Variants in ST6GALNAC3 observed in about 807,000 individuals in gnomAD.
ST6GALNAC3 encodes alpha-N-acetylgalactosaminide alpha-2,6-sialyltransferase 3.
In ST6GALNAC3, 25 loss-of-function variants were observed where a neutral mutation model predicts 32.7. The ratio of observed to expected loss-of-function variants is 0.76; its 90% CI spans 0.56 to 1.07. ST6GALNAC3 has a LOEUF of 1.07. Among genes scored for constraint, ST6GALNAC3 ranks in the 50% least tolerant of loss-of-function variants. The probability of loss-of-function intolerance (pLI) is 0.00; values close to 1 mark genes in which losing one functional copy is unlikely to be tolerated. For synonymous variants in ST6GALNAC3, 129 were observed against 133.1 expected, an observed-to-expected ratio of 0.97 and a Z score of 0.21; for missense variants, 355 against 382.4, an observed-to-expected ratio of 0.93 and a Z score of 0.60.
At chr1:76,400,657 C>A (rs1653338811) in intron 2 of ST6GALNAC3, among the ~76,000 whole-genome samples, 1 of 151,986 alleles carries the variant, frequency 6.6e-6, no homozygotes, top group African/African-American at 2.4e-5. Flanking sequence ...GAGGCTGAGG[C>A]AGGCAGATCA....
rs1649433598 is a variant in ST6GALNAC3 at position 76,634,214 on chromosome 1, TAAAC to T, written c.*5410_*5413del. ...TAAAGGTGAAGAACATCTTGATGAA[TAAAC>T]AGTCAACTACCAAGTTCACATATTT... On this transcript the variant is annotated 3_prime_UTR_variant, in exon 5 of 5. Transcript: ENST00000328299. 1 of 957,016 alleles carries T rather than the reference TAAAC, an allele frequency of 1.0e-6. No homozygotes were observed. The highest frequency in any genetic ancestry group is 1.2e-6 in the Non-Finnish European group (1 of 804,146). The allele number at this position is 957,016 out of a possible 1,614,324, so 59.3% of individuals were successfully genotyped here. A position where few individuals can be genotyped will look rare whatever the true frequency, so the allele number is the denominator to read the frequency against.
chr1:76,416,581 C>T (rs1430844349), intron 3 of ST6GALNAC3, among the ~76,000 whole-genome samples: 5 of 150,434 alleles, frequency 3.3e-5, no homozygotes, highest in South Asian at 4.2e-4. Flanking sequence ...ATAGCCCTTC[C>T]GTTTAAGGTA....
chr1:76,183,716 T>C (rs1653338567), intron 1 of ST6GALNAC3, among the ~76,000 whole-genome samples: 2 of 151,686 alleles, frequency 1.3e-5, no homozygotes, highest in African/African-American at 2.4e-5. Flanking sequence ...CTATAGGCAA[T>C]TGTGACACAA....
intron 1 of ST6GALNAC3, among the ~76,000 whole-genome samples, chr1:76,129,688 T>C (rs1238626866): frequency 3.3e-5 from 5 of 152,152 alleles, no homozygotes; most frequent in Non-Finnish European, 4.4e-5. Flanking sequence ...CCTGATTTGA[T>C]TGGAATTCAG....
intron 1 of ST6GALNAC3, among the ~76,000 whole-genome samples, chr1:76,112,374 ACCCCCCCACC>A (rs1648067053): frequency 1.6e-5 from 2 of 122,448 alleles, no homozygotes; most frequent in African/African-American, 6.6e-5. Context: ...CGGGGGGCTG[ACCCCCCCACC>A]TCCTTCCCGG....
chr1:76,608,568 A>G lies in ST6GALNAC3; in HGVS notation c.624-18884A>G, dbSNP rs149895166. Among the ~76,000 whole-genome samples, 12 of 149,466 alleles carry G rather than the reference A, an allele frequency of 8.0e-5. No homozygotes were observed. The East Asian group carries it at 2.4e-3, about 30-fold the overall frequency. ...AACCCTCTCAGAAGGAGCTGTTGTC[A>G]GGGGAAGATCAAAAGCCCTGAGCTG... is the stretch of plus-strand genomic sequence containing the variant. On this transcript the variant is annotated intron_variant, in intron 3 of 4. Coordinates refer to ENST00000328299, the MANE Select transcript of ST6GALNAC3 (RefSeq NM_152996.4).
chr1:76,364,502 G>A (rs1018787108), intron 2 of ST6GALNAC3, among the ~76,000 whole-genome samples: 30 of 152,208 alleles, frequency 2.0e-4, no homozygotes, highest in African/African-American at 6.7e-4. Context: ...GCAGTGAGCC[G>A]AGATGGTGGC....
intron 1 of ST6GALNAC3, among the ~76,000 whole-genome samples, chr1:76,302,856 G>A (rs1660807833): frequency 6.6e-6 from 1 of 151,980 alleles, no homozygotes; most frequent in African/African-American, 2.4e-5. Context: ...AAAGAATGAA[G>A]CAACAAAAGC....
chr1:76,096,123 G>T (rs1647127312), intron 1 of ST6GALNAC3, among the ~76,000 whole-genome samples: 1 of 152,188 alleles, frequency 6.6e-6, no homozygotes, highest in Non-Finnish European at 1.5e-5. Context: ...GCCTGTCACT[G>T]CCTCCTGATG....
intron 1 of ST6GALNAC3, among the ~76,000 whole-genome samples, chr1:76,201,579 T>G (rs1484515504): frequency 6.6e-6 from 1 of 152,078 alleles, no homozygotes; most frequent in African/African-American, 2.4e-5. Flanking sequence ...TTTGCAGTCT[T>G]CTGTGTCTGG....
At chr1:76,168,244 C>T (rs1411650232) in intron 1 of ST6GALNAC3, among the ~76,000 whole-genome samples, 1 of 151,954 alleles carries the variant, frequency 6.6e-6, no homozygotes, top group African/African-American at 2.4e-5. Context: ...ATTTTTTTAC[C>T]TCAAAGCCAT....
At chr1:76,614,999 A>G (rs115307332) in intron 3 of ST6GALNAC3, among the ~76,000 whole-genome samples, 1,975 of 152,098 alleles carry the variant, frequency 0.013, 18 homozygotes, top group Middle Eastern at 0.031. Flanking sequence ...AAATAGTAGT[A>G]AGACTGTGGG....
At chr1:76,244,166 C>T (rs1003019956) in intron 1 of ST6GALNAC3, among the ~76,000 whole-genome samples, 2 of 151,670 alleles carry the variant, frequency 1.3e-5, no homozygotes, top group East Asian at 1.9e-4. Context: ...CCTTCTTGTT[C>T]CTTGTAAGTT....
At chr1:76,565,809 T>C (rs1300606193) in intron 3 of ST6GALNAC3, among the ~76,000 whole-genome samples, 1 of 152,106 alleles carries the variant, frequency 6.6e-6, no homozygotes, top group African/African-American at 2.4e-5. Context: ...TAATCCTCCC[T>C]CAGCAAACAG....
chr1:76,636,390 T>C (rs1649505994), downstream of ST6GALNAC3, among the ~76,000 whole-genome samples: 1 of 152,218 alleles, frequency 6.6e-6, no homozygotes, highest in Non-Finnish European at 1.5e-5. Flanking sequence ...GCCTTTTTTT[T>C]CAGCTCTCCT....
intron 3 of ST6GALNAC3, chr1:76,577,007 C>T (rs1426646016): frequency 2.1e-5 from 26 of 1,216,870 alleles, no homozygotes; most frequent in Non-Finnish European, 2.7e-5. Flanking sequence ...GTCAGTGGTT[C>T]AAAGATTAAG....
At chr1:76,137,883 C>A (rs1427695633) in intron 1 of ST6GALNAC3, among the ~76,000 whole-genome samples, 1 of 152,196 alleles carries the variant, frequency 6.6e-6, no homozygotes, top group Non-Finnish European at 1.5e-5. Context: ...CCTGAGGAAG[C>A]CATCTCTGAC....
intron 3 of ST6GALNAC3, among the ~76,000 whole-genome samples, chr1:76,453,580 G>T (rs10873887): frequency 6.6e-6 from 1 of 151,952 alleles, no homozygotes; most frequent in Non-Finnish European, 1.5e-5. Flanking sequence ...ATGTATTTGC[G>T]TGGTTCTGAG....
chr1:76,127,670 T>C (rs1225243092), intron 1 of ST6GALNAC3, among the ~76,000 whole-genome samples: 1 of 152,168 alleles, frequency 6.6e-6, no homozygotes, highest in Non-Finnish European at 1.5e-5. Context: ...CATCGAATGT[T>C]GGAATAAAGT....
Sources: allele counts gnomAD v4.1 joint callset (sites outside exome capture counted in the v4.1 genomes callset), GRCh38; gene constraint gnomAD v4.1.1; transcripts MANE v1.5; gene names NCBI Gene and HGNC (gene_info 2026-07-23, HGNC 2026-07-21).